NAT8L: variants seen among roughly 807,000 people sequenced by gnomAD.
NAT8L encodes N-acetylaspartate synthetase.
NAT8L carries 6 observed loss-of-function variants against 21.2 expected under a neutral mutation model. The ratio of observed to expected loss-of-function variants is 0.28; its 90% confidence interval spans 0.16 to 0.56. The LOEUF (loss-of-function observed/expected upper bound fraction) is 0.56, where lower values mean the gene tolerates loss of function less well. Ranked by LOEUF, NAT8L falls within the 20% of genes least tolerant of loss-of-function variation. The pLI is 0.93. For synonymous variants in NAT8L, 239 were observed against 204.9 expected, an observed-to-expected ratio of 1.17 and a Z score of -1.42; for missense variants, 331 against 433.3, an observed-to-expected ratio of 0.76 and a Z score of 2.10.
At chr4:2,062,703 G>C (rs1443795751) in intron 2 of NAT8L, among the ~76,000 whole-genome samples, 1 of 152,020 alleles carries the variant, frequency 6.6e-6, no homozygotes, top group Non-Finnish European at 1.5e-5. Context: ...GAAGGAGACA[G>C]AGGTCCCCTT....
In NAT8L at chr4:2,059,807, T is replaced by C; in HGVS notation, c.296T>C (p.Ile99Thr). The C allele has an allele frequency of 7.2e-7, 1 of 1,389,760 alleles. No homozygotes were observed. Among genetic ancestry groups the C allele is most frequent in the South Asian group, 1.3e-5 (1 of 74,918 alleles). 86.1% of individuals were successfully genotyped at this position (1,389,760 alleles called of 1,614,324 possible). ...GCGCGCCGCATCTTCTACGACGGCA[T>C]CATGGAGCGCATCCCTAACACGGCC... ...EAARRIFYDG[I>T]MERIPNTAFR... The change falls in exon 1 of 3, where the codon ATC (isoleucine) becomes ACC (threonine). Residue 99 changes from isoleucine (I) to threonine (T), a missense_variant. Physicochemically the swap from Ile to Thr is moderately conservative, Grantham distance 89 (BLOSUM62 -1). Around this residue, in one of 2 missense-constraint regions of NAT8L, gnomAD observed 199 missense variants for 196.1 expected, o/e 1.01. Coordinates refer to ENST00000423729, the MANE Select transcript of NAT8L (RefSeq NM_178557.4). This position sits in a 1 kb window ranked among gnomAD's most constrained non-coding sequence, Gnocchi z 4.8.
At position 2,060,988 on chromosome 4, in the gene NAT8L, C is replaced by G; in HGVS notation, c.377-10C>G. On this transcript the variant is annotated splice_polypyrimidine_tract_variant and intron_variant, in intron 1 of 2. Transcript: ENST00000423729. The surrounding 1 kb of genome is among the most constrained non-coding windows in gnomAD (Gnocchi z 4.7). ...CCGCCGCGCCGCTGACCCGCGCCCT[C>G]TGCCCCCAGCGCTGTGCTTCGCCGT... is the stretch of plus-strand genomic sequence containing the variant. 1 of 1,497,660 alleles carries G rather than the reference C, an allele frequency of 6.7e-7. No homozygotes were observed. The highest frequency in any genetic ancestry group is 2.5e-5 in the East Asian group (1 of 40,186). 92.8% of individuals were successfully genotyped at this position (1,497,660 alleles called of 1,614,324 possible).
chr4:2,059,895 C>T lies in NAT8L; in HGVS notation c.376+8C>T. The stretch of plus-strand genomic sequence containing the variant: ...TCTACGCCCTGCTGGCGGGTCAGTG[C>T]GCCGGGCCCCCGGCTGCCGCAGTCC... On this transcript the variant is annotated splice_region_variant and intron_variant, in intron 1 of 2. Coordinates refer to ENST00000423729, the MANE Select transcript of NAT8L (RefSeq NM_178557.4). This position sits in a 1 kb window ranked among gnomAD's most constrained non-coding sequence, Gnocchi z 4.8. 2 of 1,283,574 alleles carry T rather than the reference C, an allele frequency of 1.6e-6. No homozygotes were observed. The allele number at this position is 1,283,574 out of a possible 1,614,324, so 79.5% of individuals were successfully genotyped here. A position where few individuals can be genotyped will look rare whatever the true frequency, so the allele number is the denominator to read the frequency against.
Position 2,059,729 on chromosome 4 carries a change from C to T in NAT8L, c.218C>T (p.Pro73Leu). 1 of 1,160,898 alleles carries T rather than the reference C, an allele frequency of 8.6e-7. No homozygotes were observed. The highest frequency in any genetic ancestry group is 1.1e-6 in the Non-Finnish European group (1 of 942,046). The allele number at this position is 1,160,898 out of a possible 1,614,324, so 71.9% of individuals were successfully genotyped here. Residue 73 changes from proline (P) to leucine (L), a missense_variant, in exon 1 of 3, where the codon CCG (proline) becomes CTG (leucine). Around this residue, in one of 2 missense-constraint regions of NAT8L, gnomAD observed 199 missense variants for 196.1 expected, o/e 1.01. Coordinates refer to ENST00000423729, the MANE Select transcript of NAT8L (RefSeq NM_178557.4). This position sits in a 1 kb window ranked among gnomAD's most constrained non-coding sequence, Gnocchi z 4.8. The stretch of plus-strand genomic sequence containing the variant: ...GGCGGGGCGGGGGGCGCGGGGCCGC[C>T]GGGGGGGCGCGGCGTGTGCATCCGC... ...PHGGAGGAGP[P>L]GGRGVCIREF... is the part of the protein sequence containing the mutation.
chr4:2,061,272 G>A (rs976841486), intron 2 of NAT8L, 110 bp downstream of exon 2: 3 of 1,527,262 alleles, frequency 2.0e-6, no homozygotes, highest in Non-Finnish European at 2.6e-6. Flanking sequence ...GGGTGGGCCT[G>A]AGCCGGGGCC....
In NAT8L at chr4:2,059,831, C is replaced by T; in HGVS notation, c.320C>T (p.Ala107Val). 7.2e-7 allele frequency: 1 copy of T among 1,389,622 alleles called. No individual in the cohort carries two copies. Among genetic ancestry groups the T allele is most frequent in the Non-Finnish European group, 9.4e-7 (1 of 1,061,914 alleles). 86.1% of individuals were successfully genotyped at this position (1,389,622 alleles called of 1,614,324 possible). ...DGIMERIPNT[A>V]FRGLRQHPRA... ...ATCATGGAGCGCATCCCTAACACGG[C>T]CTTCCGCGGCCTGCGGCAGCACCCG... Residue 107 changes from alanine (A) to valine (V), a missense_variant, in exon 1 of 3, where the codon GCC becomes GTC. This residue lies in a region of NAT8L where 199 missense variants were observed against 196.1 expected (regional missense o/e 1.01). Coordinates refer to ENST00000423729, the MANE Select transcript of NAT8L (RefSeq NM_178557.4). This position sits in a 1 kb window ranked among gnomAD's most constrained non-coding sequence, Gnocchi z 4.8.
chr4:2,063,752 C>A lies in NAT8L; in HGVS notation c.542-8C>A, dbSNP rs747850822. ...ACCGGGTGTCCCTGACCGCCCTATC[C>A]CCTGCAGGCTCCTGCTTCTGGGTGG... On this transcript the variant is annotated splice_region_variant and splice_polypyrimidine_tract_variant and intron_variant, in intron 2 of 2. Transcript: ENST00000423729. The A allele has an allele frequency of 1.2e-6, 2 of 1,610,640 alleles. No individual in the cohort carries two copies. Among genetic ancestry groups the A allele is most frequent in the Admixed American group, 3.3e-5 (2 of 60,030 alleles).
chr4:2,067,011 C>A lies in NAT8L; in HGVS notation c.*2884C>A, dbSNP rs760974701. On this transcript the variant is annotated 3_prime_UTR_variant, in exon 3 of 3. Coordinates refer to ENST00000423729, the MANE Select transcript of NAT8L (RefSeq NM_178557.4). ...CTGAAGCGCCTCGGGATGCCCCACA[C>A]TGCCCAGAGCCACGGGTCTTGCTGT... 6.6e-6 allele frequency: 1 copy of A among 152,388 alleles called. No homozygotes were observed. The highest frequency in any genetic ancestry group is 2.1e-4 in the South Asian group (1 of 4,840). 9.4% of individuals were successfully genotyped at this position (152,388 alleles called of 1,614,324 possible).
chr4:2,062,963 G>C (rs949837276), intron 2 of NAT8L, among the ~76,000 whole-genome samples: 12 of 152,094 alleles, frequency 7.9e-5, no homozygotes, highest in African/African-American at 2.9e-4. Flanking sequence ...TCCCACAACC[G>C]CCCCAACCTG....
At chr4:2,063,658 C>T in intron 2 of NAT8L, 102 bp from the exon 3 acceptor site, 3 of 1,589,324 alleles carry the variant, frequency 1.9e-6, no homozygotes, top group Admixed American at 1.7e-5. Context: ...GCTTGGTGTC[C>T]AGCTGGAGGG....
Position 2,064,326 on chromosome 4 carries a change from T to G in NAT8L, c.*199T>G, listed in dbSNP as rs1477629013. On this transcript the variant is annotated 3_prime_UTR_variant, in exon 3 of 3. Transcript: ENST00000423729. ...CGGCGACACTTTGGTGGGGGTGGGT[T>G]GTTTGTCGCCATAGCCCCTCGCCCT... The G allele has an allele frequency of 3.8e-6, 1 of 259,888 alleles. No individual in the cohort carries two copies. Among genetic ancestry groups the G allele is most frequent in the African/African-American group, 2.3e-5 (1 of 43,156 alleles). 16.1% of individuals were successfully genotyped at this position (259,888 alleles called of 1,614,324 possible).
In NAT8L at chr4:2,064,461, AC is replaced by A. The variant is rs1362641931; in HGVS notation, c.*336del. 6.2e-6 allele frequency: 1 copy of A among 161,660 alleles called. No individual in the cohort carries two copies. The highest frequency in any genetic ancestry group is 1.3e-5 in the Non-Finnish European group (1 of 74,596). 10.0% of individuals were successfully genotyped at this position (161,660 alleles called of 1,614,324 possible). On this transcript the variant is annotated 3_prime_UTR_variant, in exon 3 of 3. Transcript: ENST00000423729. ...CACTGGGGAAGGCCCAGCCTTGCTC[AC>A]CAAGCACAGAACCTCTGCAGCAGAT... is the stretch of plus-strand genomic sequence containing the variant.
Position 2,066,764 on chromosome 4 carries a change from ACT to A in NAT8L, c.*2640_*2641del, listed in dbSNP as rs1486466550. The A allele has an allele frequency of 1.3e-5, 2 of 152,044 alleles. No homozygotes were observed. Among genetic ancestry groups the A allele is most frequent in the African/African-American group, 2.4e-5 (1 of 41,330 alleles). The allele number at this position is 152,044 out of a possible 1,614,324, so 9.4% of individuals were successfully genotyped here. On this transcript the variant is annotated 3_prime_UTR_variant, in exon 3 of 3. Transcript: ENST00000423729. The stretch of plus-strand genomic sequence containing the variant: ...CTCCCCATGGGCACCCACCACTCAA[ACT>A]CTGCGTGGTGAGGCCCGGGGAAAGC...
rs1730039732 is a variant in NAT8L at position 2,068,039 on chromosome 4, T to C, written c.*3912T>C. Reference sequence around the variant, plus strand: ...GAAGGATGGCGAGCCGGACATACCATTGTTGGATGTATTTTTTTTAAAACA... The same window carrying C: ...GAAGGATGGCGAGCCGGACATACCACTGTTGGATGTATTTTTTTTAAAACA... On this transcript the variant is annotated 3_prime_UTR_variant, in exon 3 of 3. Coordinates refer to ENST00000423729, the MANE Select transcript of NAT8L (RefSeq NM_178557.4). The C allele has an allele frequency of 6.6e-6, 1 of 152,352 alleles. No homozygotes were observed. Among genetic ancestry groups the C allele is most frequent in the Non-Finnish European group, 1.5e-5 (1 of 68,084 alleles). The allele number at this position is 152,352 out of a possible 1,614,324, so 9.4% of individuals were successfully genotyped here. A position where few individuals can be genotyped will look rare whatever the true frequency, so the allele number is the denominator to read the frequency against.
At position 2,066,482 on chromosome 4, in the gene NAT8L, T is replaced by TG. The variant is rs1163809880; in HGVS notation, c.*2357dup. On this transcript the variant is annotated 3_prime_UTR_variant, in exon 3 of 3. Coordinates refer to ENST00000423729, the MANE Select transcript of NAT8L (RefSeq NM_178557.4). The stretch of plus-strand genomic sequence containing the variant: ...ACCCTTGCCAGGCCAATGTGTAGCT[T>TG]GGTGGCGCCCTTGAAGGCCACTGGG... 2.0e-5 allele frequency: 3 copies of TG among 150,926 alleles called. No individual in the cohort carries two copies. Among genetic ancestry groups the TG allele is most frequent in the African/African-American group, 7.3e-5 (3 of 40,990 alleles). The allele number at this position is 150,926 out of a possible 1,614,324, so 9.3% of individuals were successfully genotyped here. A position where few individuals can be genotyped will look rare whatever the true frequency, so the allele number is the denominator to read the frequency against.
Position 2,059,739 on chromosome 4 carries a change from C to T in NAT8L, c.228C>T (p.Arg76=). Residue 76 remains arginine, a synonymous_variant, in exon 1 of 3, where the codon CGC becomes CGT. Transcript: ENST00000423729. The surrounding 1 kb of genome is among the most constrained non-coding windows in gnomAD (Gnocchi z 4.8). ...GGGGCGCGGGGCCGCCGGGGGGGCG[C>T]GGCGTGTGCATCCGCGAGTTCCGTG... ...GAGGAGPPGG[R]GVCIREFRAA... 8.2e-7 allele frequency: 1 copy of T among 1,213,282 alleles called. No individual in the cohort carries two copies. The highest frequency in any genetic ancestry group is 1.0e-6 in the Non-Finnish European group (1 of 969,714). The allele number at this position is 1,213,282 out of a possible 1,614,324, so 75.2% of individuals were successfully genotyped here.
chr4:2,066,253 C>T lies in NAT8L; in HGVS notation c.*2126C>T, dbSNP rs1393476973. On this transcript the variant is annotated 3_prime_UTR_variant, in exon 3 of 3. Transcript: ENST00000423729. ...CTGGGCAGTGTGGCCTTCTCTCATT[C>T]TGGTGGCATCTGCGCCCGTGAGTGA... The T allele has an allele frequency of 1.3e-5, 2 of 152,280 alleles. No homozygotes were observed. The highest frequency in any genetic ancestry group is 4.1e-4 in the South Asian group (2 of 4,832). The allele number at this position is 152,280 out of a possible 1,614,324, so 9.4% of individuals were successfully genotyped here.
Position 2,063,995 on chromosome 4 carries a change from C to T in NAT8L, c.777C>T (p.Tyr259=), listed in dbSNP as rs143800061. 52 of 1,611,726 alleles carry T rather than the reference C, an allele frequency of 3.2e-5. No homozygotes were observed. Among genetic ancestry groups the T allele is most frequent in the Admixed American group, 2.0e-4 (12 of 59,966 alleles). ...TAVKVAAHKL[Y]ESLGFRHMGA... is the part of the protein sequence containing the mutation. ...TCAAGGTGGCCGCCCACAAGCTCTA[C>T]GAGTCGCTGGGCTTCAGACACATGG... is the stretch of plus-strand genomic sequence containing the variant. Residue 259 remains tyrosine, a synonymous_variant, in exon 3 of 3, where the codon TAC becomes TAT. Transcript: ENST00000423729.
At position 2,059,704 on chromosome 4, in the gene NAT8L, G is replaced by A; in HGVS notation, c.193G>A (p.Gly65Ser). Residue 65 changes from glycine to serine, a missense_variant, in exon 1 of 3, where the codon GGC (glycine) becomes AGC (serine). Physicochemically the swap from Gly to Ser is moderately conservative, Grantham distance 56. Transcript: ENST00000423729. The surrounding 1 kb of genome is among the most constrained non-coding windows in gnomAD (Gnocchi z 4.8). ...ACCTGCCCCGGTGGCTCAGCCTCAC[G>A]GCGGGGCGGGGGGCGCGGGGCCGCC... ...PPPAPVAQPH[G>S]GAGGAGPPGG... 1 of 1,091,196 alleles carries A rather than the reference G, an allele frequency of 9.2e-7. No homozygotes were observed. The highest frequency in any genetic ancestry group is 1.1e-6 in the Non-Finnish European group (1 of 901,630). 67.6% of individuals were successfully genotyped at this position (1,091,196 alleles called of 1,614,324 possible).
Sources: allele counts gnomAD v4.1 joint callset (sites outside exome capture counted in the v4.1 genomes callset), GRCh38; gene constraint gnomAD v4.1.1; regional missense constraint gnomAD v4.1.1; non-coding constraint Gnocchi (gnomAD v3.1); transcripts MANE v1.5; gene names NCBI Gene and HGNC (gene_info 2026-07-23, HGNC 2026-07-21).